PRKG1: variants seen among roughly 807,000 people sequenced by gnomAD.
PRKG1 encodes protein kinase cGMP-dependent 1.
PRKG1 carries 35 observed loss-of-function variants against 88.1 expected under a neutral mutation model. That is an observed-to-expected ratio of 0.40 (90% CI 0.30 to 0.53). The LOEUF (loss-of-function observed/expected upper bound fraction) is 0.53. Among genes scored for constraint, PRKG1 ranks in the 20% least tolerant of loss-of-function variants. The pLI is 0.59. For missense variants in PRKG1, 540 were observed against 839.8 expected (o/e 0.64, Z 4.41); for synonymous variants, 303 against 292.5 (o/e 1.04, Z -0.37).
chr10:51,858,866 G>T (rs1223349007), intron 4 of PRKG1, among the ~76,000 whole-genome samples: 1 of 152,054 alleles, frequency 6.6e-6, no homozygotes, highest in Non-Finnish European at 1.5e-5. Context: ...AATTCTAATG[G>T]ATTAGAGGGT....
intron 2 of PRKG1, among the ~76,000 whole-genome samples, chr10:51,192,073 C>A (rs10995994): frequency 2.0e-5 from 3 of 151,528 alleles, no homozygotes; most frequent in Non-Finnish European, 4.4e-5. Flanking sequence ...TGCACATATG[C>A]TGAAAAACTT....
chr10:51,076,165 A>G (rs1001977141), intron 1 of PRKG1, among the ~76,000 whole-genome samples: 17 of 152,222 alleles, frequency 1.1e-4, no homozygotes, highest in African/African-American at 4.1e-4. Flanking sequence ...ACTTAGAGTT[A>G]TACCTATACA....
chr10:51,563,033 G>T (rs1837511127), intron 3 of PRKG1, among the ~76,000 whole-genome samples: 2 of 152,114 alleles, frequency 1.3e-5, no homozygotes, highest in South Asian at 4.2e-4. Flanking sequence ...TCCCACCTTG[G>T]CCTCCCAAAG....
intron 1 of PRKG1, among the ~76,000 whole-genome samples, chr10:51,010,727 A>G (rs1842984363): frequency 6.6e-6 from 1 of 152,170 alleles, no homozygotes; most frequent in Admixed American, 6.5e-5. Context: ...ACTAGTACTG[A>G]TGTGTTTTAC....
chr10:51,722,846 A>T (rs1323370424), intron 3 of PRKG1, among the ~76,000 whole-genome samples: 1 of 152,216 alleles, frequency 6.6e-6, no homozygotes, highest in African/African-American at 2.4e-5. Context: ...TAAAGGACTG[A>T]TTAAATGTTA....
intron 5 of PRKG1, among the ~76,000 whole-genome samples, chr10:51,999,139 T>C (rs1844528988): frequency 6.6e-6 from 1 of 152,220 alleles, no homozygotes; most frequent in Admixed American, 6.5e-5. Context: ...TGAGCTTATA[T>C]GTGGGAGATT....
At chr10:52,266,385 G>A (rs532149773) in intron 10 of PRKG1, among the ~76,000 whole-genome samples, 1 of 151,312 alleles carries the variant, frequency 6.6e-6, no homozygotes, top group East Asian at 2.0e-4. Flanking sequence ...GCTCTCCCCC[G>A]ACAGACCCCA....
In PRKG1 at chr10:52,010,671, T is replaced by C. The variant is rs1433841858; in HGVS notation, c.763-43813T>C. ...GAAGCAGATGGAAGACCTCAAATAA[T>C]CCAGATAAACCGACGGCCTTCCCAC... On this transcript the variant is annotated intron_variant, in intron 5 of 17. Coordinates refer to ENST00000373980, the MANE Select transcript of PRKG1 (RefSeq NM_006258.4). Among the ~76,000 whole-genome samples, 4 of 152,154 alleles carry C rather than the reference T, an allele frequency of 2.6e-5. No homozygotes were observed. In the East Asian group the frequency reaches 5.8e-4, roughly 22 times the overall value.
intron 2 of PRKG1, among the ~76,000 whole-genome samples, chr10:51,161,676 C>A (rs998333988): frequency 9.9e-5 from 15 of 152,070 alleles, no homozygotes; most frequent in African/African-American, 3.4e-4. Context: ...TAAAAAGGTA[C>A]ACATTTTTCC....
intron 3 of PRKG1, among the ~76,000 whole-genome samples, chr10:51,692,234 T>TAA (rs397978149): frequency 3.4e-5 from 5 of 148,368 alleles, no homozygotes; most frequent in Non-Finnish European, 7.5e-5. Context: ...TTGGCCTTTT[T>TAA]AAAAAAAAAA....
chr10:52,259,302 T>A (rs1286750198), intron 10 of PRKG1, among the ~76,000 whole-genome samples: 1 of 152,046 alleles, frequency 6.6e-6, no homozygotes, highest in East Asian at 1.9e-4. Flanking sequence ...AAGTAGGTTA[T>A]TTTGTACCAC....
intron 4 of PRKG1, among the ~76,000 whole-genome samples, chr10:51,813,840 C>T (rs557829816): frequency 6.0e-4 from 91 of 152,228 alleles, no homozygotes; most frequent in Middle Eastern, 3.4e-3. Context: ...TCCCAAACCT[C>T]AGTAGTATTT....
chr10:52,164,356 A>ATAAG (rs1190607928), intron 9 of PRKG1, among the ~76,000 whole-genome samples: 131 of 139,952 alleles, frequency 9.4e-4, no homozygotes, highest in African/African-American at 3.6e-3. Context: ...TGTCTCAAAA[A>ATAAG]TAAGTAAGTA....
rs2132498594 is a variant in PRKG1, at chr10:51,745,068, G to A, written c.593-59517G>A. On this transcript the variant is annotated intron_variant, in intron 3 of 17. Coordinates refer to ENST00000373980, the MANE Select transcript of PRKG1 (RefSeq NM_006258.4). ...AATAATTGTATGTTTAATGAAAATTGAATACCTTTTCTCAACTATTATCAA... is the reference window on the plus strand; with the variant it reads ...AATAATTGTATGTTTAATGAAAATTAAATACCTTTTCTCAACTATTATCAA... 2.0e-5 allele frequency among the ~76,000 whole-genome samples: 3 copies of A among 152,192 alleles called. No homozygotes were observed. The East Asian group carries it at 5.8e-4, about 29-fold the overall frequency.
At chr10:51,666,798 C>A (rs1840432745) in intron 3 of PRKG1, among the ~76,000 whole-genome samples, 1 of 151,658 alleles carries the variant, frequency 6.6e-6, no homozygotes, top group South Asian at 2.1e-4. Context: ...TTTATTTATT[C>A]TTTTTTATTT....
At chr10:51,439,894 T>C (rs1320680618) in intron 2 of PRKG1, among the ~76,000 whole-genome samples, 4 of 151,928 alleles carry the variant, frequency 2.6e-5, no homozygotes, top group Admixed American at 1.3e-4. Context: ...ACACAAGAGC[T>C]TTTGTTGAAC....
At chr10:51,076,135 A>G (rs1254939035) in intron 1 of PRKG1, among the ~76,000 whole-genome samples, 1 of 152,234 alleles carries the variant, frequency 6.6e-6, no homozygotes, top group Non-Finnish European at 1.5e-5. Context: ...CACAGCATGT[A>G]CCAATTACTA....
intron 7 of PRKG1, among the ~76,000 whole-genome samples, chr10:52,089,828 TGAGATGGAG>T (rs1229062967): frequency 2.1e-5 from 3 of 142,514 alleles, no homozygotes; most frequent in African/African-American, 7.9e-5. Flanking sequence ...TTTTTTTTTT[TGAGATGGAG>T]TCTTGCTCTG....
intron 5 of PRKG1, among the ~76,000 whole-genome samples, chr10:52,047,331 A>G (rs1845885377): frequency 6.6e-6 from 1 of 152,132 alleles, no homozygotes; most frequent in South Asian, 2.1e-4. Flanking sequence ...TGAGTGAGAA[A>G]TGGCCCATTT....
Sources: gnomAD v4.1 joint callset for allele counts (sites outside exome capture counted in the v4.1 genomes callset) on GRCh38, gnomAD v4.1.1 for gene constraint, MANE v1.5 for transcripts, NCBI Gene and HGNC (gene_info 2026-07-23, HGNC 2026-07-21) for gene names.